Variants in MROH7 observed in about 807,000 individuals in gnomAD.
MROH7 encodes the protein maestro heat like repeat family member 7.
MROH7 carries 113 observed loss-of-function variants against 129.2 expected under a neutral mutation model. The observed-to-expected ratio is 0.87, with a 90% CI of 0.75 to 1.02. The LOEUF (loss-of-function observed/expected upper bound fraction) is 1.02, where lower values mean the gene tolerates loss of function less well. MROH7 is among the 50% of genes least tolerant of loss of function. The pLI is 0.00. For missense variants in MROH7, 1,601 were observed against 1,671.3 expected (o/e 0.96, Z 0.73); for synonymous variants, 655 against 667.9 (o/e 0.98, Z 0.30).
intron 3 of MROH7, among the ~76,000 whole-genome samples, 194 bp downstream of exon 3, chr1:54,654,351 G>A (rs1644608337): frequency 6.6e-6 from 1 of 152,212 alleles, no homozygotes; most frequent in Non-Finnish European, 1.5e-5. Flanking sequence ...TAATTAATCT[G>A]CCTGAGCTTC....
intron 1 of MROH7, among the ~76,000 whole-genome samples, chr1:54,647,937 A>T (rs1276102395): frequency 6.7e-6 from 1 of 150,362 alleles, no homozygotes; most frequent in African/African-American, 2.4e-5. Flanking sequence ...AGAATGTGGG[A>T]TAGGAGTTCA....
At chr1:54,691,836 G>GTGTA (rs374728463) in intron 15 of MROH7, among the ~76,000 whole-genome samples, 1 of 142,008 alleles carries the variant, frequency 7.0e-6, no homozygotes, top group Admixed American at 7.0e-5. Flanking sequence ...GTGTGTGTGT[G>GTGTA]TATCTAGAAA....
chr1:54,702,677 A>T lies in MROH7; in HGVS notation c.3496A>T (p.Lys1166Ter). Residue 1166 changes from lysine (K) to a stop codon, truncating the protein, a stop_gained, in exon 21 of 24, where the codon AAA becomes TAA. Coordinates refer to ENST00000421030, the MANE Select transcript of MROH7 (RefSeq NM_001039464.4). LOFTEE classifies it high-confidence loss of function. ...CSYFMAWELP[K>*]RAYSRKPWDN... The stretch of plus-strand genomic sequence containing the variant: ...TTACTTCATGGCTTGGGAGTTGCCA[A>T]AAAGAGCTTATAGCCGGAAGCCCTG... 6.2e-7 allele frequency: 1 copy of T among 1,613,940 alleles called. No individual in the cohort carries two copies. Among genetic ancestry groups the T allele is most frequent in the Non-Finnish European group, 8.5e-7 (1 of 1,179,898 alleles).
At chr1:54,672,307 C>A (rs375855686) in intron 7 of MROH7, among the ~76,000 whole-genome samples, 1 of 152,078 alleles carries the variant, frequency 6.6e-6, no homozygotes, top group South Asian at 2.1e-4. Flanking sequence ...CCCCAAGGAC[C>A]ACTGGCTTCA....
intron 17 of MROH7, chr1:54,697,853 G>T (rs114226875): frequency 4.8e-5 from 26 of 541,538 alleles, no homozygotes; most frequent in African/African-American, 4.7e-4. Flanking sequence ...AGGAGGGAGG[G>T]TGGATCTTGC....
At chr1:54,689,711 G>A (rs1645203624) in intron 15 of MROH7, among the ~76,000 whole-genome samples, 1 of 152,200 alleles carries the variant, frequency 6.6e-6, no homozygotes, top group African/African-American at 2.4e-5. Context: ...AGCAGCCCTG[G>A]GCTTTAAAGC....
chr1:54,701,236 G>A lies in MROH7; in HGVS notation c.3199G>A (p.Ala1067Thr). The change falls in exon 19 of 24, where the codon GCT (alanine) becomes ACT (threonine). Residue 1067 changes from alanine to threonine, a missense_variant. Coordinates refer to ENST00000421030, the MANE Select transcript of MROH7 (RefSeq NM_001039464.4). ...GGTGGAAGCGGTCCACAACCTCAAG[G>A]CTGTCTTCAAGGGGCGGGACCAGAA... ...LVVEAVHNLKAVFKGRDQKLM... is the reference protein window; with the variant it reads ...LVVEAVHNLKTVFKGRDQKLM... 3 of 1,614,206 alleles carry A rather than the reference G, an allele frequency of 1.9e-6. No individual in the cohort carries two copies. Among genetic ancestry groups the A allele is most frequent in the Non-Finnish European group, 1.7e-6 (2 of 1,180,012 alleles).
chr1:54,689,911 G>A (rs1309022176), intron 15 of MROH7, among the ~76,000 whole-genome samples: 7 of 152,148 alleles, frequency 4.6e-5, no homozygotes, highest in Non-Finnish European at 7.3e-5. Context: ...CAGGAGGGTC[G>A]TGTGAGTCCA....
At chr1:54,706,637 G>A in intron 22 of MROH7, 100 bp downstream of exon 22, 1 of 852,334 alleles carries the variant, frequency 1.2e-6, no homozygotes, top group Non-Finnish European at 1.9e-6. Flanking sequence ...CTGGGGGGAT[G>A]CTTCCCTTTG....
chr1:54,678,056 C>T (rs1031804017), intron 10 of MROH7, among the ~76,000 whole-genome samples: 3 of 152,186 alleles, frequency 2.0e-5, no homozygotes, highest in Non-Finnish European at 4.4e-5. Context: ...CAGACAATGA[C>T]ATGTGCTGGC....
intron 4 of MROH7, among the ~76,000 whole-genome samples, chr1:54,667,127 A>G (rs1644826670): frequency 1.3e-5 from 2 of 152,134 alleles, no homozygotes; most frequent in South Asian, 4.1e-4. Context: ...CTGACATTCT[A>G]GTTTGGGGAG....
At position 54,647,787 on chromosome 1, in the gene MROH7, C is replaced by G. The variant is rs114442662; in HGVS notation, c.-109-4162C>G. On this transcript the variant is annotated intron_variant, in intron 1 of 23. Transcript: ENST00000421030. Reference sequence around the variant, plus strand: ...GGGTTTGGTGGTGGGCACCTGTAGCCCTAGCTACTTGAAAGGCTGAAGCAG... The same window carrying G: ...GGGTTTGGTGGTGGGCACCTGTAGCGCTAGCTACTTGAAAGGCTGAAGCAG... Among the ~76,000 whole-genome samples the G allele has an allele frequency of 9.4e-3, 1,416 of 151,120 alleles. 19 individuals are homozygous for G. The highest frequency in any genetic ancestry group is 0.014 in the Non-Finnish European group (932 of 67,842).
At chr1:54,670,186 A>C (rs777492876) in intron 5 of MROH7, among the ~76,000 whole-genome samples, 3 of 150,486 alleles carry the variant, frequency 2.0e-5, no homozygotes, top group Non-Finnish European at 4.4e-5. Context: ...TGCCTCTTGG[A>C]GGCCAGGCAT....
Position 54,671,239 on chromosome 1 carries a change from G to GAA in MROH7, c.1599+319_1599+320dup, listed in dbSNP as rs200209306. Among the ~76,000 whole-genome samples, 339 of 141,834 alleles carry GAA rather than the reference G, an allele frequency of 2.4e-3. 1 individual carries two copies. The highest frequency in any genetic ancestry group is 4.2e-3 in the Non-Finnish European group (278 of 66,224). 93.0% of individuals were successfully genotyped at this position (141,834 alleles called of 152,430 possible). A position where few individuals can be genotyped will look rare whatever the true frequency, so the allele number is the denominator to read the frequency against. On this transcript the variant is annotated intron_variant, in intron 7 of 23. Transcript: ENST00000421030. Reference sequence around the variant, plus strand: ...CGTCTCTACTGAAAATACAAAAAAAGAAAAAAAAAACTTAGCCGGGCGTGG... The same window carrying GAA: ...CGTCTCTACTGAAAATACAAAAAAAGAAAAAAAAAAAACTTAGCCGGGCGTGG...
In MROH7 at chr1:54,670,504, T is replaced by C. The variant is rs779195178; in HGVS notation, c.1397T>C (p.Ile466Thr). ...KTMIKKIMRQ[I>T]QEEPLDSLSS... Reference sequence around the variant, plus strand: ...CTGTGGCCCCCTGTCCAGAGGCAGATCCAGGAGGAGCCACTGGATTCTCTC... The same window carrying C: ...CTGTGGCCCCCTGTCCAGAGGCAGACCCAGGAGGAGCCACTGGATTCTCTC... The change falls in exon 6 of 24, where the codon ATC becomes ACC. Residue 466 changes from isoleucine (I) to threonine (T), a missense_variant. Coordinates refer to ENST00000421030, the MANE Select transcript of MROH7 (RefSeq NM_001039464.4). 6.2e-7 allele frequency: 1 copy of C among 1,613,662 alleles called. No homozygotes were observed. Among genetic ancestry groups the C allele is most frequent in the Non-Finnish European group, 8.5e-7 (1 of 1,179,846 alleles).
chr1:54,650,279 G>C (rs531712600), intron 1 of MROH7, among the ~76,000 whole-genome samples: 2 of 152,206 alleles, frequency 1.3e-5, no homozygotes, highest in African/African-American at 4.8e-5. Context: ...ACTAGCAAGA[G>C]GTTGAGCTGG....
intron 1 of MROH7, among the ~76,000 whole-genome samples, chr1:54,643,299 A>G (rs1644415509): frequency 6.6e-6 from 1 of 152,190 alleles, no homozygotes; most frequent in Non-Finnish European, 1.5e-5. Context: ...ATTGAAGTTT[A>G]GGTGAATAGT....
At chr1:54,656,474 C>T (rs541169445) in intron 3 of MROH7, among the ~76,000 whole-genome samples, 2 of 137,370 alleles carry the variant, frequency 1.5e-5, no homozygotes, top group East Asian at 4.4e-4. Context: ...TGAGCCACTG[C>T]ACTCCAGCCA....
chr1:54,709,978 T>A lies in MROH7; in HGVS notation c.3763T>A (p.Ser1255Thr), dbSNP rs1241943056. 1.9e-6 allele frequency: 3 copies of A among 1,613,964 alleles called. No individual in the cohort carries two copies. The South Asian group carries it at 3.3e-5, about 18-fold the overall frequency. Reference sequence around the variant, plus strand: ...TAACTTGAGACATGACCCAGAAGCATCAGTGTGCATCTACGCAGCCCAGGT... The same window carrying A: ...TAACTTGAGACATGACCCAGAAGCAACAGTGTGCATCTACGCAGCCCAGGT... ...LDNLRHDPEA[S>T]VCIYAAQVQD... Residue 1255 changes from serine to threonine, a missense_variant, in exon 24 of 24, where the codon TCA becomes ACA. Transcript: ENST00000421030.
Sources: allele counts gnomAD v4.1 joint callset (sites outside exome capture counted in the v4.1 genomes callset), GRCh38; gene constraint gnomAD v4.1.1; transcripts MANE v1.5; gene names NCBI Gene and HGNC (gene_info 2026-07-23, HGNC 2026-07-21).